The following UTY variants were observed in gnomAD, a reference collection of about 807,000 sequenced individuals.
UTY encodes the protein ubiquitously transcribed tetratricopeptide repeat containing, Y-linked, also known as histone demethylase UTY.
UTY carries 12 observed loss-of-function variants against 32.5 expected under a neutral mutation model. That is an observed-to-expected ratio of 0.37 (90% CI 0.24 to 0.60). The LOEUF is 0.60. UTY is among the 20% of genes least tolerant of loss of function. The pLI, the probability that UTY is intolerant of heterozygous loss-of-function variation, is 0.69. For missense variants in UTY, 303 were observed against 299.2 expected, an observed-to-expected ratio of 1.01 and a Z score of -0.09; for synonymous variants, 131 against 103.4, an observed-to-expected ratio of 1.27 and a Z score of -1.62.
At chrY:13,431,028 G>GA (rs2073955205) in intron 4 of UTY, among the ~76,000 whole-genome samples, 3 of 31,942 alleles carry the variant, frequency 9.4e-5, no homozygotes, top group Non-Finnish European at 1.5e-4. Context: ...AAAAGAAAAG[G>GA]AAAAAAGACC....
At chrY:13,374,285 C>T (rs2065213839) in intron 8 of UTY, among the ~76,000 whole-genome samples, 1 of 32,794 alleles carries the variant, frequency 3.0e-5, no homozygotes, top group African/African-American at 1.2e-4. Context: ...CCCGCCTCGG[C>T]CTCCCAAAGT....
chrY:13,245,882 C>T, downstream of UTY, among the ~76,000 whole-genome samples: 1 of 33,902 alleles, frequency 2.9e-5, no homozygotes, highest in Non-Finnish European at 7.3e-5. Flanking sequence ...GTTTACGCAG[C>T]TAATGTCTTA....
chrY:13,301,563 A>G, intron 25 of UTY, among the ~76,000 whole-genome samples: 3 of 33,201 alleles, frequency 9.0e-5, no homozygotes, highest in Admixed American at 8.2e-4. Context: ...TTTCCCCAAC[A>G]ATCATTAACC....
At chrY:13,425,843 A>T (rs2073176958) in intron 4 of UTY, among the ~76,000 whole-genome samples, 1 of 34,044 alleles carries the variant, frequency 2.9e-5, no homozygotes, top group Non-Finnish European at 7.3e-5. Context: ...GGAAAAGAAA[A>T]CAGTCCAGTG....
chrY:13,443,656 G>A (rs748201882), intron 4 of UTY, among the ~76,000 whole-genome samples: 1 of 33,673 alleles, frequency 3.0e-5, no homozygotes, highest in Non-Finnish European at 7.3e-5. Flanking sequence ...TAACATGAAA[G>A]TAAATTTTTT....
At chrY:13,397,695 C>A in intron 6 of UTY, among the ~76,000 whole-genome samples, 1 of 33,378 alleles carries the variant, frequency 3.0e-5, no homozygotes, top group East Asian at 7.6e-4. Flanking sequence ...AATATTAAAA[C>A]ACTTATATTT....
intron 18 of UTY, among the ~76,000 whole-genome samples, chrY:13,331,090 T>C (rs537620655): frequency 2.2e-3 from 75 of 34,006 alleles, no homozygotes; most frequent in African/African-American, 8.2e-3. Context: ...CTTAAACTTT[T>C]GTGTCTGACA....
In UTY at chrY:13,303,246, A is replaced by G. The variant is rs2058480269; in HGVS notation, c.3566-255T>C. ...GTGTTCAAAATGTAACCTGTCTCCT[A>G]CCACTCTTGGCTCCTACCACATGTC... On this transcript the variant is annotated intron_variant, in intron 24 of 29. Coordinates refer to ENST00000545955, the MANE Select transcript of UTY (RefSeq NM_001258249.2). Among the ~76,000 whole-genome samples, 4 of 33,678 alleles carry G rather than the reference A, an allele frequency of 1.2e-4. No individual in the cohort carries two copies. In the Middle Eastern group the frequency reaches 0.041, roughly 341 times the overall value. The allele number at this position is 33,678 out of a possible 37,273, so 90.4% of individuals were successfully genotyped here.
intron 25 of UTY, 125 bp downstream of exon 25, chrY:13,302,752 T>TA: frequency 6.6e-6 from 1 of 150,564 alleles, no homozygotes; most frequent in South Asian, 5.1e-5. Context: ...CAAATCATTT[T>TA]AAAAAAATTC....
chrY:13,287,188 A>G (rs2057439412), intron 27 of UTY: 1 of 383,620 alleles, frequency 2.6e-6, no homozygotes, highest in African/African-American at 6.5e-5. Flanking sequence ...AAAAAAGTGA[A>G]GAAGAAATTT....
chrY:13,424,364 C>T (rs775219589), intron 4 of UTY, among the ~76,000 whole-genome samples: 33 of 32,762 alleles, frequency 1.0e-3, no homozygotes, highest in African/African-American at 3.5e-3. Flanking sequence ...TGAGATTGTG[C>T]CACTGCACTC....
intron 21 of UTY, among the ~76,000 whole-genome samples, chrY:13,317,165 G>A: frequency 6.2e-5 from 2 of 32,254 alleles, no homozygotes; most frequent in South Asian, 7.0e-4. Context: ...TACCATGCCC[G>A]GCAAATTTTC....
chrY:13,337,557 T>C (rs754753795), intron 17 of UTY, among the ~76,000 whole-genome samples: 1 of 33,100 alleles, frequency 3.0e-5, no homozygotes, highest in Admixed American at 2.8e-4. Flanking sequence ...CAAACGAGGA[T>C]TTATCTCAGA....
chrY:13,433,108 A>C, intron 4 of UTY, among the ~76,000 whole-genome samples: 1 of 34,115 alleles, frequency 2.9e-5, no homozygotes, highest in Non-Finnish European at 7.3e-5. Context: ...AAGACATTCA[A>C]GATCCTAAAG....
chrY:13,244,172 A>G (rs2053929264), downstream of UTY, among the ~76,000 whole-genome samples: 2 of 32,579 alleles, frequency 6.1e-5, no homozygotes, highest in East Asian at 1.6e-3. Flanking sequence ...GCTCTCATTC[A>G]TATGTGGGGG....
intron 6 of UTY, among the ~76,000 whole-genome samples, chrY:13,398,237 T>A (rs2068484627): frequency 3.0e-5 from 1 of 33,498 alleles, no homozygotes. Flanking sequence ...GTTTGCTACA[T>A]GATACTACAA....
chrY:13,358,441 A>C, intron 14 of UTY, 23 bp downstream of exon 14: 1 of 374,809 alleles, frequency 2.7e-6, no homozygotes, highest in East Asian at 1.0e-4. Flanking sequence ...GGGATTTTCC[A>C]TATCTCTAAA....
intron 4 of UTY, among the ~76,000 whole-genome samples, chrY:13,446,192 A>C: frequency 3.1e-5 from 1 of 32,402 alleles, no homozygotes; most frequent in Admixed American, 2.9e-4. Flanking sequence ...TGGTGGGAGA[A>C]GGATCAAAAA....
intron 10 of UTY, among the ~76,000 whole-genome samples, chrY:13,362,910 C>CT (rs757026126): frequency 1.0e-3 from 29 of 28,508 alleles, no homozygotes; most frequent in Admixed American, 2.2e-3. Flanking sequence ...ATTTTACTTC[C>CT]TTTTTTTTTT....
Sources: allele counts gnomAD v4.1 joint callset (sites outside exome capture counted in the v4.1 genomes callset), GRCh38; gene constraint gnomAD v4.1.1; transcripts MANE v1.5; gene names NCBI Gene and HGNC (gene_info 2026-07-23, HGNC 2026-07-21).